The following HEATR5A variants were observed in gnomAD, a reference collection of about 807,000 sequenced individuals.
The protein encoded by HEATR5A is HEAT repeat-containing protein 5A.
HEATR5A carries 178 observed loss-of-function variants against 218.8 expected under a neutral mutation model. The ratio of observed to expected loss-of-function variants is 0.81; its 90% CI spans 0.72 to 0.92. HEATR5A has a LOEUF of 0.92. Among genes scored for constraint, HEATR5A ranks in the 40% least tolerant of loss-of-function variants. The pLI is 0.00. For missense variants in HEATR5A, 2,420 were observed against 2,418.9 expected (o/e 1.00, Z -0.01); for synonymous variants, 864 against 871.6 (o/e 0.99, Z 0.15).
intron 18 of HEATR5A, 81 bp downstream of exon 18, chr14:31,349,708 T>C (rs1450151204): frequency 1.2e-6 from 1 of 834,906 alleles, no homozygotes; most frequent in African/African-American, 1.7e-5. Context: ...AGAATGAAGA[T>C]CTTACTAGTT....
chr14:31,406,923 C>T lies in HEATR5A; in HGVS notation c.-74-3874G>A, dbSNP rs896692913. Among the ~76,000 whole-genome samples the T allele has an allele frequency of 6.2e-5, 8 of 128,764 alleles. No individual in the cohort carries two copies. The Admixed American group carries it at 6.6e-4, about 11-fold the overall frequency. The allele number at this position is 128,764 out of a possible 152,430, so 84.5% of individuals were successfully genotyped here. On this transcript the variant is annotated intron_variant, in intron 1 of 35. Coordinates refer to ENST00000543095, the MANE Select transcript of HEATR5A (RefSeq NM_015473.4). ...TAGAGGTTGCAGTGAGCCAAGATCA[C>T]GCCATTGCATTCCATTGCACTCTAG... is the stretch of plus-strand genomic sequence containing the variant.
chr14:31,301,442 C>T (rs1899369933), intron 33 of HEATR5A, among the ~76,000 whole-genome samples: 1 of 151,998 alleles, frequency 6.6e-6, no homozygotes, highest in East Asian at 1.9e-4. Context: ...TTAATGGATG[C>T]TGAAAATAAT....
chr14:31,380,418 A>C (rs1326563763), intron 11 of HEATR5A, 49 bp downstream of exon 11: 1 of 1,173,550 alleles, frequency 8.5e-7, no homozygotes, highest in Non-Finnish European at 1.2e-6. Context: ...CATTTCACTC[A>C]GAAAACACAA....
At chr14:31,336,213 CATACATATATATATATATATAT>C (rs1335894070) in intron 22 of HEATR5A, among the ~76,000 whole-genome samples, 2,529 of 90,728 alleles carry the variant, frequency 0.028, 168 homozygotes, top group African/African-American at 0.069. Context: ...TATATACATA[CATACATATATATATATATATAT>C]ATATATATAT....
Position 31,400,686 on chromosome 14 carries a change from C to A in HEATR5A, c.127-174G>T, listed in dbSNP as rs551871602. 4.6e-5 allele frequency among the ~76,000 whole-genome samples: 7 copies of A among 151,802 alleles called. No individual in the cohort carries two copies. In the East Asian group the frequency reaches 1.3e-3, roughly 29 times the overall value. Reference sequence around the variant, plus strand: ...AGTGTGGTCATTATGCCAGACTAATCAGGTAGTTTGCTGCCCTGCTAATAA... The same window carrying A: ...AGTGTGGTCATTATGCCAGACTAATAAGGTAGTTTGCTGCCCTGCTAATAA... On this transcript the variant is annotated intron_variant, in intron 2 of 35. Transcript: ENST00000543095.
intron 10 of HEATR5A, among the ~76,000 whole-genome samples, chr14:31,381,278 T>A (rs934328019): frequency 1.3e-5 from 2 of 150,872 alleles, no homozygotes; most frequent in Admixed American, 6.6e-5. Flanking sequence ...ATACTACTTT[T>A]GTAACTCAGT....
intron 13 of HEATR5A, among the ~76,000 whole-genome samples, chr14:31,366,340 T>A (rs76619699): frequency 0.084 from 12,780 of 152,276 alleles, 616 homozygotes; most frequent in East Asian, 0.16. Flanking sequence ...ATAAATCTAC[T>A]GCACTTTTAT....
chr14:31,380,650 A>G (rs892680069), intron 10 of HEATR5A, 72 bp from the exon 11 acceptor site: 16 of 909,512 alleles, frequency 1.8e-5, no homozygotes, highest in Admixed American at 4.6e-5. Context: ...GCAGCTAACA[A>G]TATCTTGAAA....
intron 1 of HEATR5A, among the ~76,000 whole-genome samples, chr14:31,412,595 T>C (rs2031314136): frequency 1.3e-5 from 2 of 151,966 alleles, no homozygotes; most frequent in Non-Finnish European, 2.9e-5. Flanking sequence ...CATAAAAATC[T>C]GTGTTAGTCT....
chr14:31,416,537 A>G (rs953128036), intron 1 of HEATR5A, among the ~76,000 whole-genome samples: 1 of 152,092 alleles, frequency 6.6e-6, no homozygotes, highest in Non-Finnish European at 1.5e-5. Context: ...TTAGGCAAAT[A>G]ATTAATATAG....
chr14:31,368,939 A>C (rs1901913185), intron 13 of HEATR5A, among the ~76,000 whole-genome samples: 2 of 152,154 alleles, frequency 1.3e-5, no homozygotes, highest in Non-Finnish European at 2.9e-5. Context: ...TTAAATAATA[A>C]ATGTTTATTA....
intron 22 of HEATR5A, among the ~76,000 whole-genome samples, chr14:31,336,510 G>T (rs901084335): frequency 7.2e-5 from 11 of 151,806 alleles, no homozygotes; most frequent in Non-Finnish European, 1.2e-4. Flanking sequence ...ATTTTTGTAG[G>T]CTAATAGTTT....
At chr14:31,389,442 T>A (rs987688324) in intron 6 of HEATR5A, among the ~76,000 whole-genome samples, 3 of 152,220 alleles carry the variant, frequency 2.0e-5, no homozygotes, top group Admixed American at 6.5e-5. Context: ...GTTTATATAA[T>A]GTAAATGTCC....
intron 32 of HEATR5A, 149 bp downstream of exon 32, chr14:31,304,756 G>C (rs1899502391): frequency 1.2e-6 from 1 of 809,398 alleles, no homozygotes; most frequent in Admixed American, 3.0e-5. Flanking sequence ...TTATTAAAAT[G>C]TAATCCTAAT....
At chr14:31,397,486 C>T (rs957274638) in intron 4 of HEATR5A, among the ~76,000 whole-genome samples, 7 of 151,824 alleles carry the variant, frequency 4.6e-5, no homozygotes, top group Admixed American at 6.6e-5. Context: ...GGTGAAACCC[C>T]GTCTCTACTA....
At chr14:31,300,226 C>T (rs1184283247) in intron 33 of HEATR5A, among the ~76,000 whole-genome samples, 10 of 152,092 alleles carry the variant, frequency 6.6e-5, no homozygotes, top group African/African-American at 2.4e-4. Flanking sequence ...CTTGCCTTCC[C>T]TAGCTATTTA....
chr14:31,338,088 G>C (rs1595113021), intron 21 of HEATR5A, among the ~76,000 whole-genome samples: 2 of 152,138 alleles, frequency 1.3e-5, no homozygotes, highest in Admixed American at 1.3e-4. Flanking sequence ...TTGAGTCCTA[G>C]ATCCATCACT....
intron 11 of HEATR5A, among the ~76,000 whole-genome samples, chr14:31,375,994 G>A (rs538908374): frequency 1.3e-5 from 2 of 152,022 alleles, no homozygotes; most frequent in African/African-American, 2.4e-5. Flanking sequence ...CCCACATTCT[G>A]CTGACTGTAT....
intron 18 of HEATR5A, among the ~76,000 whole-genome samples, chr14:31,348,700 G>A (rs529256500): frequency 2.6e-5 from 4 of 152,108 alleles, no homozygotes; most frequent in South Asian, 2.1e-4. Flanking sequence ...AACAACCCTG[G>A]AATTCATACT....
Sources: allele counts gnomAD v4.1 joint callset (sites outside exome capture counted in the v4.1 genomes callset), GRCh38; gene constraint gnomAD v4.1.1; transcripts MANE v1.5; gene names NCBI Gene and HGNC (gene_info 2026-07-23, HGNC 2026-07-21).